Variants in PLEKHH2 observed in about 807,000 individuals in gnomAD.
The protein encoded by PLEKHH2 is pleckstrin homology, MyTH4 and FERM domain containing H2.
Under a neutral mutation model 187.9 loss-of-function variants are expected in PLEKHH2, and 129 were observed. The ratio of observed to expected loss-of-function variants is 0.69; its 90% CI spans 0.59 to 0.79. The LOEUF (loss-of-function observed/expected upper bound fraction) is 0.79, where lower values mean the gene tolerates loss of function less well. PLEKHH2 is among the 30% of genes least tolerant of loss of function. The pLI, the probability that PLEKHH2 is intolerant of heterozygous loss-of-function variation, is 0.00. For missense variants in PLEKHH2, 2,076 were observed against 1,751.2 expected (o/e 1.19, Z -3.31); for synonymous variants, 686 against 605.6 (o/e 1.13, Z -1.95).
At chr2:43,704,797 T>C (rs1669572583) in intron 9 of PLEKHH2, among the ~76,000 whole-genome samples, 1 of 152,054 alleles carries the variant, frequency 6.6e-6, no homozygotes, top group Non-Finnish European at 1.5e-5. Context: ...ATGTCTAAAT[T>C]CATTGGAATA....
intron 11 of PLEKHH2, among the ~76,000 whole-genome samples, chr2:43,709,370 A>C (rs1669827750): frequency 6.6e-6 from 1 of 152,250 alleles, no homozygotes; most frequent in Non-Finnish European, 1.5e-5. Flanking sequence ...TTGATAAATT[A>C]AGGTTCAACA....
chr2:43,741,810 A>G (rs1671577307), intron 21 of PLEKHH2, among the ~76,000 whole-genome samples: 1 of 152,180 alleles, frequency 6.6e-6, no homozygotes, highest in Admixed American at 6.5e-5. Flanking sequence ...TTGAATACAA[A>G]CATATTTGAC....
chr2:43,731,096 A>G (rs1220477849), intron 18 of PLEKHH2, among the ~76,000 whole-genome samples: 1 of 152,226 alleles, frequency 6.6e-6, no homozygotes, highest in African/African-American at 2.4e-5. Flanking sequence ...ATGCAAAGGC[A>G]TAAGAATGAC....
chr2:43,743,217 G>A (rs561838218), intron 22 of PLEKHH2, among the ~76,000 whole-genome samples: 1 of 152,236 alleles, frequency 6.6e-6, no homozygotes, highest in South Asian at 2.1e-4. Flanking sequence ...CACCTCCTAG[G>A]TGTGGAAATA....
chr2:43,710,756 A>G lies in PLEKHH2; in HGVS notation c.2301+181A>G, dbSNP rs1330645660. 8.0e-6 allele frequency: 11 copies of G among 1,382,602 alleles called. No homozygotes were observed. In the Admixed American group the frequency reaches 3.5e-4, roughly 44 times the overall value. The allele number at this position is 1,382,602 out of a possible 1,614,324, so 85.6% of individuals were successfully genotyped here. ...AATTTTTGGTTAAAACTATAATGTA[A>G]GTTAGGTGTGTGTTGAGTAACTCCC... is the stretch of plus-strand genomic sequence containing the variant. On this transcript the variant is annotated intron_variant, in intron 14 of 29. Transcript: ENST00000282406.
Position 43,690,226 on chromosome 2 carries a change from C to A in PLEKHH2, c.187-2288C>A, listed in dbSNP as rs544625714. On this transcript the variant is annotated intron_variant, in intron 3 of 29. Transcript: ENST00000282406. ...GCATGACATCATTTCTGATGCAGAC[C>A]TTTGTCTTGATACAGATCTTTGTCC... Among the ~76,000 whole-genome samples, 5 of 152,302 alleles carry A rather than the reference C, an allele frequency of 3.3e-5. No homozygotes were observed. In the South Asian group the frequency reaches 1.0e-3, roughly 32 times the overall value.
chr2:43,691,398 T>C (rs1473311917), intron 3 of PLEKHH2, among the ~76,000 whole-genome samples: 1 of 152,026 alleles, frequency 6.6e-6, no homozygotes, highest in Non-Finnish European at 1.5e-5. Flanking sequence ...GGCTTGTGAG[T>C]AAGCAAAAAA....
At chr2:43,756,903 G>A (rs950041026) in intron 25 of PLEKHH2, among the ~76,000 whole-genome samples, 1 of 151,930 alleles carries the variant, frequency 6.6e-6, no homozygotes, top group Non-Finnish European at 1.5e-5. Context: ...GAGCCTGGGT[G>A]ACAGAGTGAG....
At chr2:43,757,451 G>T (rs1017194870) in intron 26 of PLEKHH2, among the ~76,000 whole-genome samples, 187 bp downstream of exon 26, 46 of 138,220 alleles carry the variant, frequency 3.3e-4, no homozygotes, top group African/African-American at 1.2e-3. Flanking sequence ...ACGGAGTCTC[G>T]CTCTGTCGCC....
chr2:43,710,844 T>C, intron 14 of PLEKHH2: 1 of 1,209,360 alleles, frequency 8.3e-7, no homozygotes, highest in Non-Finnish European at 1.0e-6. Flanking sequence ...CTAGGTATTT[T>C]CAGCTGTCCA....
chr2:43,658,786 A>C (rs559794610), intron 2 of PLEKHH2: 1 of 152,200 alleles, frequency 6.6e-6, no homozygotes, highest in South Asian at 2.1e-4. Flanking sequence ...ATACTTCATC[A>C]TTTCCACAAT....
rs1572682026 is a variant in PLEKHH2, at chr2:43,767,564, A to G, written c.*1966A>G. The G allele has an allele frequency of 6.6e-6, 1 of 152,388 alleles. No individual in the cohort carries two copies. The highest frequency in any genetic ancestry group is 1.9e-4 in the East Asian group (1 of 5,336). The allele number at this position is 152,388 out of a possible 1,614,324, so 9.4% of individuals were successfully genotyped here. On this transcript the variant is annotated 3_prime_UTR_variant, in exon 30 of 30. Coordinates refer to ENST00000282406, the MANE Select transcript of PLEKHH2 (RefSeq NM_172069.4). ...CAGAAGCCTTTTGGCTGGGTTACAGAAGAGTTTCTAAGTTCCTAGAGAGCC... is the reference window on the plus strand; with the variant it reads ...CAGAAGCCTTTTGGCTGGGTTACAGGAGAGTTTCTAAGTTCCTAGAGAGCC...
intron 29 of PLEKHH2, 67 bp downstream of exon 29, chr2:43,764,432 CA>C: frequency 6.7e-7 from 1 of 1,484,118 alleles, no homozygotes; most frequent in Admixed American, 1.9e-5. Flanking sequence ...GCCAGAAGGC[CA>C]AAAAGCAATG....
intron 16 of PLEKHH2, among the ~76,000 whole-genome samples, chr2:43,723,167 A>C (rs1279431707): frequency 1.3e-5 from 2 of 152,210 alleles, no homozygotes; most frequent in Non-Finnish European, 2.9e-5. Context: ...GTATTATCAT[A>C]GTATTAATAG....
At chr2:43,747,725 A>G (rs886918763) in intron 24 of PLEKHH2, among the ~76,000 whole-genome samples, 2 of 152,250 alleles carry the variant, frequency 1.3e-5, no homozygotes, top group Admixed American at 6.5e-5. Flanking sequence ...TGAGTCTTAT[A>G]CCCTGTAAAT....
intron 2 of PLEKHH2, chr2:43,658,539 A>G (rs1666904263): frequency 6.6e-6 from 1 of 152,250 alleles, no homozygotes. Context: ...CCTGGGATGT[A>G]GTAATCTGAA....
intron 19 of PLEKHH2, among the ~76,000 whole-genome samples, chr2:43,734,805 T>G (rs530645560): frequency 2.4e-4 from 36 of 152,340 alleles, no homozygotes; most frequent in Admixed American, 2.0e-4. Context: ...TTCCTATATT[T>G]ATTATAGCAC....
chr2:43,716,444 A>G (rs1310625603), intron 15 of PLEKHH2, among the ~76,000 whole-genome samples: 1 of 152,202 alleles, frequency 6.6e-6, no homozygotes, highest in Non-Finnish European at 1.5e-5. Flanking sequence ...AGGGTGGAGA[A>G]TAATCATTCA....
chr2:43,710,392 T>C (rs904272952), intron 13 of PLEKHH2, 62 bp downstream of exon 13: 25 of 1,586,800 alleles, frequency 1.6e-5, no homozygotes, highest in Non-Finnish European at 2.1e-5. Context: ...AGACGCCTGA[T>C]TGATTTCCTT....
Sources: gnomAD v4.1 joint callset for allele counts (sites outside exome capture counted in the v4.1 genomes callset) on GRCh38, gnomAD v4.1.1 for gene constraint, MANE v1.5 for transcripts, NCBI Gene and HGNC (gene_info 2026-07-23, HGNC 2026-07-21) for gene names.